The following SLC2A13 variants were observed in gnomAD, a reference collection of about 807,000 sequenced individuals.
SLC2A13 encodes the protein solute carrier family 2 member 13, also known as proton myo-inositol cotransporter.
A neutral mutation model predicts 64.4 loss-of-function variants in SLC2A13; 32 were observed. The ratio of observed to expected loss-of-function variants is 0.50; its 90% CI spans 0.37 to 0.67. The LOEUF (loss-of-function observed/expected upper bound fraction) is 0.67, where lower values mean the gene tolerates loss of function less well. Among genes scored for constraint, SLC2A13 ranks in the 30% least tolerant of loss-of-function variants. The pLI, the probability that SLC2A13 is intolerant of heterozygous loss-of-function variation, is 0.00. For missense variants in SLC2A13, 743 were observed against 829.2 expected, an observed-to-expected ratio of 0.90 and a Z score of 1.28; for synonymous variants, 338 against 327.1, an observed-to-expected ratio of 1.03 and a Z score of -0.36.
intron 7 of SLC2A13, among the ~76,000 whole-genome samples, chr12:39,772,718 TA>T (rs1461176785): frequency 6.6e-6 from 1 of 152,226 alleles, no homozygotes; most frequent in African/African-American, 2.4e-5. Context: ...ATTTTCTATT[TA>T]CTCTTTTCGT....
At position 39,759,901 on chromosome 12, in the gene SLC2A13, A is replaced by C. The variant is rs1009604082; in HGVS notation, c.*125T>G. The C allele has an allele frequency of 4.8e-5, 32 of 666,040 alleles. No homozygotes were observed. The highest frequency in any genetic ancestry group is 7.4e-5 in the Non-Finnish European group (29 of 390,900). The allele number at this position is 666,040 out of a possible 1,614,324, so 41.3% of individuals were successfully genotyped here. On this transcript the variant is annotated 3_prime_UTR_variant, in exon 10 of 10. Coordinates refer to ENST00000280871, the MANE Select transcript of SLC2A13 (RefSeq NM_052885.4). ...TCTTCCTCCTAATCAAGTATTCTAG[A>C]ATATGAAGTCAATCAAAACTAGGCT...
chr12:39,916,082 G>T (rs1345498521), intron 4 of SLC2A13, among the ~76,000 whole-genome samples: 1 of 151,794 alleles, frequency 6.6e-6, no homozygotes, highest in Non-Finnish European at 1.5e-5. Flanking sequence ...TTGAAAAGCA[G>T]ATTAAAAATT....
intron 7 of SLC2A13, among the ~76,000 whole-genome samples, chr12:39,814,698 G>A (rs898878718): frequency 6.6e-6 from 1 of 152,110 alleles, no homozygotes; most frequent in East Asian, 1.9e-4. Context: ...TGCTATCCCT[G>A]CATATACAAA....
intron 2 of SLC2A13, among the ~76,000 whole-genome samples, chr12:40,043,337 A>G (rs151333098): frequency 6.6e-6 from 1 of 152,292 alleles, no homozygotes; most frequent in East Asian, 1.9e-4. Context: ...ATTTAAAAAT[A>G]TTAGCAAAGA....
intron 6 of SLC2A13, among the ~76,000 whole-genome samples, chr12:39,840,666 C>A (rs144048368): frequency 6.6e-6 from 1 of 151,926 alleles, no homozygotes; most frequent in Non-Finnish European, 1.5e-5. Context: ...ACTTCCTGAC[C>A]CCAGCAGAAT....
At chr12:39,796,648 C>T (rs1941585524) in intron 7 of SLC2A13, among the ~76,000 whole-genome samples, 1 of 152,046 alleles carries the variant, frequency 6.6e-6, no homozygotes, top group Admixed American at 6.6e-5. Context: ...AAACCCAGGC[C>T]TTAGATAATC....
At chr12:39,854,215 C>T (rs1012819488) in intron 6 of SLC2A13, among the ~76,000 whole-genome samples, 1 of 151,894 alleles carries the variant, frequency 6.6e-6, no homozygotes, top group Non-Finnish European at 1.5e-5. Flanking sequence ...TCCGTCTGAT[C>T]CTTAGTTTTC....
intron 4 of SLC2A13, among the ~76,000 whole-genome samples, chr12:39,941,460 C>A (rs1946024437): frequency 6.6e-6 from 1 of 152,162 alleles, no homozygotes; most frequent in Non-Finnish European, 1.5e-5. Flanking sequence ...TTGATCATGG[C>A]CATTCCTACA....
At chr12:39,831,040 T>C (rs186666396) in intron 6 of SLC2A13, among the ~76,000 whole-genome samples, 1 of 152,158 alleles carries the variant, frequency 6.6e-6, no homozygotes, top group Non-Finnish European at 1.5e-5. Context: ...ATAGAATGAG[T>C]TTTCTCCCTG....
Position 39,764,777 on chromosome 12 carries a change from T to C in SLC2A13, c.1527A>G (p.Ala509=). ...NFCPTPYSWT[A]LLGLILYLVF... ...CAAGATATAAAATAAGGCCCAGAAG[T>C]GCAGTCCAGGAGTATGGAGTAGGGC... Residue 509 remains alanine (A), a synonymous_variant, in exon 8 of 10, where the codon GCA becomes GCG. Coordinates refer to ENST00000280871, the MANE Select transcript of SLC2A13 (RefSeq NM_052885.4). The C allele has an allele frequency of 1.3e-6, 2 of 1,584,912 alleles. No individual in the cohort carries two copies. Among genetic ancestry groups the C allele is most frequent in the Non-Finnish European group, 1.7e-6 (2 of 1,154,294 alleles).
At chr12:40,012,755 T>C (rs1241310760) in intron 3 of SLC2A13, among the ~76,000 whole-genome samples, 1 of 152,184 alleles carries the variant, frequency 6.6e-6, no homozygotes, top group Non-Finnish European at 1.5e-5. Context: ...TGGGTTATTA[T>C]ATTGGTTCAG....
At chr12:39,760,659 A>C (rs1209062702) in intron 9 of SLC2A13, among the ~76,000 whole-genome samples, 1 of 151,956 alleles carries the variant, frequency 6.6e-6, no homozygotes, top group Non-Finnish European at 1.5e-5. Flanking sequence ...AGGCACTTTG[A>C]GGTCAGAAGA....
chr12:39,787,161 G>T (rs114743431), intron 7 of SLC2A13, among the ~76,000 whole-genome samples: 3,247 of 152,200 alleles, frequency 0.021, 117 homozygotes, highest in African/African-American at 0.075. Context: ...TTATACAAAG[G>T]TTAACACACA....
chr12:39,903,484 A>G (rs117791958), intron 4 of SLC2A13, among the ~76,000 whole-genome samples: 2,135 of 152,148 alleles, frequency 0.014, 11 homozygotes, highest in Middle Eastern at 0.044. Flanking sequence ...GAAAAATGCC[A>G]TTCTAGGCCC....
rs778517990 is a variant in SLC2A13 at position 39,843,600 on chromosome 12, T to C, written c.1320-13372A>G. ...GTAGCCAAGTGACTAGATGTGGCCA[T>C]ACAATGAGAGTATGAAATAATAGTT... is the stretch of plus-strand genomic sequence containing the variant. On this transcript the variant is annotated intron_variant, in intron 6 of 9. Transcript: ENST00000280871. 3.5e-4 allele frequency among the ~76,000 whole-genome samples: 53 copies of C among 152,218 alleles called. 1 individual carries two copies. Among genetic ancestry groups the C allele is most frequent in the South Asian group, 2.1e-4 (1 of 4,830 alleles).
chr12:39,906,033 A>G (rs1329094225), intron 4 of SLC2A13, among the ~76,000 whole-genome samples: 1 of 152,172 alleles, frequency 6.6e-6, no homozygotes, highest in Non-Finnish European at 1.5e-5. Flanking sequence ...GTAAAACACC[A>G]TAAATGCTAA....
chr12:40,028,154 T>C (rs1245242416), intron 3 of SLC2A13, 147 bp downstream of exon 3: 2 of 394,690 alleles, frequency 5.1e-6, no homozygotes, highest in African/African-American at 2.1e-5. Context: ...ATTTTATATA[T>C]GGATATTTTT....
intron 3 of SLC2A13, among the ~76,000 whole-genome samples, chr12:39,988,030 T>C (rs990092814): frequency 7.2e-5 from 11 of 152,248 alleles, no homozygotes; most frequent in Non-Finnish European, 1.0e-4. Context: ...AAATCCCCTA[T>C]TGATAAATGT....
At position 39,760,230 on chromosome 12, in the gene SLC2A13, T is replaced by C. The variant is rs752434691; in HGVS notation, c.1743A>G (p.Gly581=). 4 of 1,612,166 alleles carry C rather than the reference T, an allele frequency of 2.5e-6. No homozygotes were observed. The Admixed American group carries it at 5.0e-5, about 20-fold the overall frequency. ...TGAAAAGGAGTCCCACAGCAGCAAA[T>C]CCAGCATAGAGGAAGAAAGCTCCTG... is the stretch of plus-strand genomic sequence containing the variant. ...TYYGAFFLYA[G]FAAVGLLFIY... The change falls in exon 10 of 10, where the codon GGA becomes GGG. Residue 581 remains glycine, a synonymous_variant. Coordinates refer to ENST00000280871, the MANE Select transcript of SLC2A13 (RefSeq NM_052885.4).
Sources: gnomAD v4.1 joint callset for allele counts (sites outside exome capture counted in the v4.1 genomes callset) on GRCh38, gnomAD v4.1.1 for gene constraint, MANE v1.5 for transcripts, NCBI Gene and HGNC (gene_info 2026-07-23, HGNC 2026-07-21) for gene names.